The following LYRM2 variants were observed in gnomAD, a reference collection of about 807,000 sequenced individuals.
The protein encoded by LYRM2 is LYR motif containing 2, also known as LYR motif-containing protein 2.
LYRM2 carries 8 observed loss-of-function variants against 11.6 expected under a neutral mutation model. That is an observed-to-expected ratio of 0.69 (90% confidence interval 0.40 to 1.24). The LOEUF (loss-of-function observed/expected upper bound fraction) is 1.24. Ranked by LOEUF, LYRM2 falls within the 50% of genes most tolerant of loss-of-function variation. The probability of loss-of-function intolerance (pLI) is 0.01; values close to 1 mark genes in which losing one functional copy is unlikely to be tolerated. For missense variants in LYRM2, 117 were observed against 102.9 expected (o/e 1.14, Z -0.59); for synonymous variants, 30 against 36.4 (o/e 0.83, Z 0.63).
Position 89,636,164 on chromosome 6 carries a change from T to A in LYRM2, c.*1109A>T, listed in dbSNP as rs1807997270. On this transcript the variant is annotated 3_prime_UTR_variant, in exon 3 of 3. Transcript: ENST00000523377. ...AACAGCTTTATTGAGATACAATTCA[T>A]ACCTTACATTTAAAATGTACAGTTC... The A allele has an allele frequency of 1.3e-5, 2 of 152,238 alleles. No individual in the cohort carries two copies. The highest frequency in any genetic ancestry group is 2.9e-5 in the Non-Finnish European group (2 of 68,044). 9.4% of individuals were successfully genotyped at this position (152,238 alleles called of 1,614,324 possible).
intron 1 of LYRM2, chr6:89,638,466 C>T: frequency 6.8e-7 from 1 of 1,479,470 alleles, no homozygotes; most frequent in Non-Finnish European, 8.9e-7. Context: ...CGCTGTCTCA[C>T]GCGATCGCAC....
chr6:89,638,603 A>C (rs1808088764), intron 1 of LYRM2, 69 bp downstream of exon 1: 2 of 1,610,606 alleles, frequency 1.2e-6, no homozygotes, highest in South Asian at 1.1e-5. Flanking sequence ...CCCGTTGGGG[A>C]TAGGGACAGA....
At position 89,637,012 on chromosome 6, in the gene LYRM2, G is replaced by T. The variant is rs1808024173; in HGVS notation, c.*261C>A. 2 of 320,970 alleles carry T rather than the reference G, an allele frequency of 6.2e-6. No individual in the cohort carries two copies. The highest frequency in any genetic ancestry group is 1.2e-5 in the Non-Finnish European group (2 of 173,524). The allele number at this position is 320,970 out of a possible 1,614,324, so 19.9% of individuals were successfully genotyped here. A position where few individuals can be genotyped will look rare whatever the true frequency, so the allele number is the denominator to read the frequency against. On this transcript the variant is annotated 3_prime_UTR_variant, in exon 3 of 3. Coordinates refer to ENST00000523377, the MANE Select transcript of LYRM2 (RefSeq NM_020466.5). The stretch of plus-strand genomic sequence containing the variant: ...TAGTTTTGATTTACACTTCCCTAAT[G>T]ATTGTGTCCAGCATCTACTGGCCAT...
chr6:89,638,339 C>T (rs1808073915), intron 1 of LYRM2: 2 of 1,225,434 alleles, frequency 1.6e-6, no homozygotes, highest in African/African-American at 3.1e-5. Flanking sequence ...TCTAAATTAA[C>T]AGTTGTTCAA....
rs1231643360 is a variant in LYRM2, at chr6:89,634,862, TCACTGCAGCCTCTGCCTC to T, written c.*2393_*2410del. On this transcript the variant is annotated 3_prime_UTR_variant, in exon 3 of 3. Transcript: ENST00000523377. Reference sequence around the variant, plus strand: ...TGTAGTGCAGTAGTGTGTTCTCGGCTCACTGCAGCCTCTGCCTCCCGGGTTCAATATGAGGCAGCCCTC... The same window carrying T: ...TGTAGTGCAGTAGTGTGTTCTCGGCTCCGGGTTCAATATGAGGCAGCCCTC... 1 of 152,218 alleles carries T rather than the reference TCACTGCAGCCTCTGCCTC, an allele frequency of 6.6e-6. No individual in the cohort carries two copies. The highest frequency in any genetic ancestry group is 1.5e-5 in the Non-Finnish European group (1 of 68,048). The allele number at this position is 152,218 out of a possible 1,614,324, so 9.4% of individuals were successfully genotyped here. A position where few individuals can be genotyped will look rare whatever the true frequency, so the allele number is the denominator to read the frequency against.
chr6:89,638,235 A>G, intron 1 of LYRM2: 1 of 1,089,576 alleles, frequency 9.2e-7, no homozygotes, highest in Non-Finnish European at 1.1e-6. Context: ...CTGCTCTGTC[A>G]AACCTAAGAA....
intron 1 of LYRM2, 78 bp downstream of exon 1, chr6:89,638,594 C>T: frequency 6.2e-7 from 1 of 1,607,094 alleles, no homozygotes; most frequent in Non-Finnish European, 8.5e-7. Context: ...GGAACCCGCC[C>T]CGTTGGGGAT....
chr6:89,636,906 CCT>C lies in LYRM2; in HGVS notation c.*365_*366del, dbSNP rs202137522. On this transcript the variant is annotated 3_prime_UTR_variant, in exon 3 of 3. Transcript: ENST00000523377. ...ATGCTGGCCAGGCTGGTCTTGAACT[CCT>C]GACCTCAAGTGATCCACCTACCACA... The C allele has an allele frequency of 0.043, 6,712 of 157,748 alleles. 208 individuals are homozygous for C. The highest frequency in any genetic ancestry group is 0.062 in the Non-Finnish European group (4,413 of 71,660). The allele number at this position is 157,748 out of a possible 1,614,324, so 9.8% of individuals were successfully genotyped here.
In LYRM2 at chr6:89,636,325, C is replaced by G. The variant is rs1413292486; in HGVS notation, c.*948G>C. 6.6e-6 allele frequency: 1 copy of G among 152,248 alleles called. No individual in the cohort carries two copies. Among genetic ancestry groups the G allele is most frequent in the Non-Finnish European group, 1.5e-5 (1 of 68,060 alleles). 9.4% of individuals were successfully genotyped at this position (152,248 alleles called of 1,614,324 possible). On this transcript the variant is annotated 3_prime_UTR_variant, in exon 3 of 3. Transcript: ENST00000523377. Reference sequence around the variant, plus strand: ...CATCTACAGCCAGCCTAGGCAACCACTAATCTTTCTGCCTATTCTGGACAT... The same window carrying G: ...CATCTACAGCCAGCCTAGGCAACCAGTAATCTTTCTGCCTATTCTGGACAT...
In LYRM2 at chr6:89,637,879, C is replaced by T. The variant is rs754703374; in HGVS notation, c.49G>A (p.Val17Ile). The T allele has an allele frequency of 6.8e-6, 11 of 1,612,956 alleles. No homozygotes were observed. The highest frequency in any genetic ancestry group is 4.0e-5 in the African/African-American group (3 of 74,848). Residue 17 changes from valine to isoleucine, a missense_variant, in exon 2 of 3, where the codon GTA becomes ATA. Transcript: ENST00000523377. ...AGGAGAAGAACTTGTTGCCTTCTTA[C>T]GAACTGTAAAAGGGAGGAGTAAATA... Reference protein sequence around the residue: ...PPATLTLKQFVRRQQVLLLYR... With the variant: ...PPATLTLKQFIRRQQVLLLYR...
In LYRM2 at chr6:89,635,206, A is replaced by G. The variant is rs2128295151; in HGVS notation, c.*2067T>C. 1 of 152,332 alleles carries G rather than the reference A, an allele frequency of 6.6e-6. No homozygotes were observed. The highest frequency in any genetic ancestry group is 2.1e-4 in the South Asian group (1 of 4,820). 9.4% of individuals were successfully genotyped at this position (152,332 alleles called of 1,614,324 possible). ...TAAATCACTGACTTCTACACCCATAAAAGGATGATTTTGAGTTTCAAGATT... is the reference window on the plus strand; with the variant it reads ...TAAATCACTGACTTCTACACCCATAGAAGGATGATTTTGAGTTTCAAGATT... On this transcript the variant is annotated 3_prime_UTR_variant, in exon 3 of 3. Coordinates refer to ENST00000523377, the MANE Select transcript of LYRM2 (RefSeq NM_020466.5).
Position 89,636,250 on chromosome 6 carries a change from T to C in LYRM2, c.*1023A>G, listed in dbSNP as rs1807999800. 6.6e-6 allele frequency: 1 copy of C among 152,198 alleles called. No homozygotes were observed. Among genetic ancestry groups the C allele is most frequent in the African/African-American group, 2.4e-5 (1 of 41,456 alleles). The allele number at this position is 152,198 out of a possible 1,614,324, so 9.4% of individuals were successfully genotyped here. On this transcript the variant is annotated 3_prime_UTR_variant, in exon 3 of 3. Coordinates refer to ENST00000523377, the MANE Select transcript of LYRM2 (RefSeq NM_020466.5). ...ACACCACAAGCTAACTGTAGGATAT[T>C]TTCATCACCCTGAAAAGGAACCCTA...
chr6:89,638,719 C>G lies in LYRM2; in HGVS notation c.-3G>C. 6.2e-7 allele frequency: 1 copy of G among 1,614,022 alleles called. No individual in the cohort carries two copies. Among genetic ancestry groups the G allele is most frequent in the Non-Finnish European group, 8.5e-7 (1 of 1,179,938 alleles). The stretch of plus-strand genomic sequence containing the variant: ...GGGGGTAAGCGGGAAGCAGCCATGT[C>G]CACCAGAGGTCCGCCGGAGCCTCAG... On this transcript the variant is annotated 5_prime_UTR_variant, in exon 1 of 3. Transcript: ENST00000523377.
At position 89,635,350 on chromosome 6, in the gene LYRM2, G is replaced by A. The variant is rs1372982461; in HGVS notation, c.*1923C>T. 6.6e-6 allele frequency: 1 copy of A among 152,210 alleles called. No homozygotes were observed. Among genetic ancestry groups the A allele is most frequent in the Non-Finnish European group, 1.5e-5 (1 of 68,030 alleles). The allele number at this position is 152,210 out of a possible 1,614,324, so 9.4% of individuals were successfully genotyped here. On this transcript the variant is annotated 3_prime_UTR_variant, in exon 3 of 3. Coordinates refer to ENST00000523377, the MANE Select transcript of LYRM2 (RefSeq NM_020466.5). Reference sequence around the variant, plus strand: ...TGTTTGTCAGATCATTTTGCAACAGGTTAACTAATACTTATCTACATAAAA... The same window carrying A: ...TGTTTGTCAGATCATTTTGCAACAGATTAACTAATACTTATCTACATAAAA...
chr6:89,638,576 A>G (rs1808087477), intron 1 of LYRM2, 96 bp downstream of exon 1: 1 of 1,601,030 alleles, frequency 6.2e-7, no homozygotes, highest in Admixed American at 1.7e-5. Context: ...ACGCCGCATC[A>G]GGACCCCGGA....
chr6:89,638,303 G>A (rs891700489), intron 1 of LYRM2: 1 of 1,171,320 alleles, frequency 8.5e-7, no homozygotes, highest in African/African-American at 1.6e-5. Flanking sequence ...TCTCCTAGAA[G>A]TTGTTATTAC....
chr6:89,637,888 A>G lies in LYRM2; in HGVS notation c.46-6T>C. The G allele has an allele frequency of 6.2e-7, 1 of 1,612,288 alleles. No individual in the cohort carries two copies. Among genetic ancestry groups the G allele is most frequent in the East Asian group, 2.2e-5 (1 of 44,836 alleles). ...ACTTGTTGCCTTCTTACGAACTGTA[A>G]AAGGGAGGAGTAAATAGCAATTACT... On this transcript the variant is annotated splice_region_variant and splice_polypyrimidine_tract_variant and intron_variant, in intron 1 of 2. Coordinates refer to ENST00000523377, the MANE Select transcript of LYRM2 (RefSeq NM_020466.5).
At chr6:89,637,453 G>T in intron 2 of LYRM2, 100 bp from the exon 3 acceptor site, 1 of 758,704 alleles carries the variant, frequency 1.3e-6, no homozygotes, top group East Asian at 2.7e-5. Flanking sequence ...ACTACCTATT[G>T]GAACTGCTGC....
intron 1 of LYRM2, chr6:89,638,156 G>C (rs1408162866): frequency 6.2e-6 from 4 of 646,826 alleles, no homozygotes; most frequent in Non-Finnish European, 8.9e-6. Context: ...GCCTGGGCGA[G>C]AGTGAGGCCC....
Sources: gnomAD v4.1 joint callset for allele counts on GRCh38, gnomAD v4.1.1 for gene constraint, MANE v1.5 for transcripts, NCBI Gene and HGNC (gene_info 2026-07-23, HGNC 2026-07-21) for gene names.